The following FAM124A variants were observed in gnomAD, a reference collection of about 807,000 sequenced individuals.
The protein encoded by FAM124A is protein FAM124A.
FAM124A carries 23 observed loss-of-function variants against 24.5 expected under a neutral mutation model. That is an observed-to-expected ratio of 0.94 (90% CI 0.68 to 1.33). The LOEUF is 1.33. FAM124A is among the 40% of genes most tolerant of loss of function. FAM124A has a pLI of 0.00. For missense variants in FAM124A, 623 were observed against 722.8 expected (o/e 0.86, Z 1.58); for synonymous variants, 287 against 314.7 (o/e 0.91, Z 0.93).
Position 51,222,487 on chromosome 13 carries a change from GCCGGGACGTGCA to G in FAM124A, c.-12_-1del, listed in dbSNP as rs1178601865. 8.2e-7 allele frequency: 1 copy of G among 1,218,492 alleles called. No individual in the cohort carries two copies. Among genetic ancestry groups the G allele is most frequent in the Non-Finnish European group, 1.0e-6 (1 of 980,710 alleles). The allele number at this position is 1,218,492 out of a possible 1,614,324, so 75.5% of individuals were successfully genotyped here. A position where few individuals can be genotyped will look rare whatever the true frequency, so the allele number is the denominator to read the frequency against. ...CGACGGCGCCCGCAAGCCGAGCGCGGCCGGGACGTGCACCATGGACCCAAAGGCGGGCGGCGG... is the reference window on the plus strand; with the variant it reads ...CGACGGCGCCCGCAAGCCGAGCGCGGCCATGGACCCAAAGGCGGGCGGCGG... On this transcript the variant is annotated 5_prime_UTR_variant, in exon 1 of 4. Coordinates refer to ENST00000322475, the MANE Select transcript of FAM124A (RefSeq NM_001242312.2).
intron 2 of FAM124A, among the ~76,000 whole-genome samples, chr13:51,242,032 T>C (rs1214875611): frequency 1.3e-5 from 2 of 152,254 alleles, no homozygotes; most frequent in Non-Finnish European, 1.5e-5. Flanking sequence ...TGGAGTTTCC[T>C]GATGAACAAA....
At chr13:51,236,635 TC>T (rs1406846955) in intron 2 of FAM124A, among the ~76,000 whole-genome samples, 1 of 152,348 alleles carries the variant, frequency 6.6e-6, no homozygotes, top group East Asian at 1.9e-4. Context: ...ATACATATGA[TC>T]TGTGTTTCCA....
At chr13:51,243,378 A>G (rs1482285645) in intron 2 of FAM124A, among the ~76,000 whole-genome samples, 1 of 152,220 alleles carries the variant, frequency 6.6e-6, no homozygotes, top group Non-Finnish European at 1.5e-5. Context: ...AGCGTCTCCC[A>G]GGAAGGAATT....
rs1429099053 is a variant in FAM124A at position 51,281,194 on chromosome 13, A to C, written c.1579A>C (p.Met527Leu). ...CAAAGTCAAGCAGACTGATGGAGAC[A>C]TGCCACCACCCCCAGGGTCGGCTGG... ...TPKVKQTDGDMPPPPGSAGPG... is the reference protein window; with the variant it reads ...TPKVKQTDGDLPPPPGSAGPG... Residue 527 changes from methionine (M) to leucine (L), a missense_variant, in exon 4 of 4, where the codon ATG becomes CTG. Physicochemically the swap from Met to Leu is conservative, Grantham distance 15 (BLOSUM62 2). Coordinates refer to ENST00000322475, the MANE Select transcript of FAM124A (RefSeq NM_001242312.2). 1 of 1,610,982 alleles carries C rather than the reference A, an allele frequency of 6.2e-7. No homozygotes were observed. The highest frequency in any genetic ancestry group is 1.3e-5 in the African/African-American group (1 of 74,994).
At chr13:51,264,630 ATC>A in intron 3 of FAM124A, among the ~76,000 whole-genome samples, 1 of 151,710 alleles carries the variant, frequency 6.6e-6, no homozygotes, top group Non-Finnish European at 1.5e-5. Flanking sequence ...GCAAGACCAT[ATC>A]TCTTTAAAAA....
chr13:51,280,961 G>C lies in FAM124A; in HGVS notation c.1346G>C (p.Arg449Thr), dbSNP rs767542969. ...STVETPLPSE[R>T]CSSHWAAHKD... ...GTGGAGACACCCCTCCCCTCCGAAAGATGCAGCAGCCACTGGGCAGCTCAC... is the reference window on the plus strand; with the variant it reads ...GTGGAGACACCCCTCCCCTCCGAAACATGCAGCAGCCACTGGGCAGCTCAC... Residue 449 changes from arginine to threonine, a missense_variant, in exon 4 of 4, where the codon AGA (arginine) becomes ACA (threonine). Coordinates refer to ENST00000322475, the MANE Select transcript of FAM124A (RefSeq NM_001242312.2). The C allele has an allele frequency of 6.2e-7, 1 of 1,613,938 alleles. No individual in the cohort carries two copies. The highest frequency in any genetic ancestry group is 1.3e-5 in the African/African-American group (1 of 74,890).
intron 2 of FAM124A, among the ~76,000 whole-genome samples, chr13:51,250,899 G>A (rs1049908922): frequency 6.6e-6 from 1 of 152,238 alleles, no homozygotes; most frequent in African/African-American, 2.4e-5. Flanking sequence ...GCAAGCACAG[G>A]TCTCTCTTGT....
intron 3 of FAM124A, among the ~76,000 whole-genome samples, chr13:51,263,082 A>T (rs1436339959): frequency 6.6e-6 from 1 of 151,946 alleles, no homozygotes; most frequent in Non-Finnish European, 1.5e-5. Flanking sequence ...GGGGCCTCTC[A>T]CTCTGACATC....
At position 51,281,376 on chromosome 13, in the gene FAM124A, C is replaced by A; in HGVS notation, c.*120C>A. On this transcript the variant is annotated 3_prime_UTR_variant, in exon 4 of 4. Coordinates refer to ENST00000322475, the MANE Select transcript of FAM124A (RefSeq NM_001242312.2). ...TGATCCATTTCCCAGGAGCCCGTAG[C>A]ACATTTGCCTACCACCCACTCTTAG... 1 of 1,021,256 alleles carries A rather than the reference C, an allele frequency of 9.8e-7. No individual in the cohort carries two copies. The highest frequency in any genetic ancestry group is 1.4e-6 in the Non-Finnish European group (1 of 731,502). The allele number at this position is 1,021,256 out of a possible 1,614,324, so 63.3% of individuals were successfully genotyped here. A position where few individuals can be genotyped will look rare whatever the true frequency, so the allele number is the denominator to read the frequency against.
chr13:51,262,918 C>T (rs1954751012), intron 3 of FAM124A, among the ~76,000 whole-genome samples: 1 of 152,274 alleles, frequency 6.6e-6, no homozygotes, highest in African/African-American at 2.4e-5. Flanking sequence ...GTTAGTGCCA[C>T]ATGACCAGCA....
At chr13:51,248,911 GTCT>G (rs764615520) in intron 2 of FAM124A, among the ~76,000 whole-genome samples, 111 of 152,140 alleles carry the variant, frequency 7.3e-4, no homozygotes, top group Non-Finnish European at 1.3e-3. Flanking sequence ...CTCTTCACTA[GTCT>G]TCTAACTCCT....
At chr13:51,275,133 G>C (rs974232176) in intron 3 of FAM124A, among the ~76,000 whole-genome samples, 2 of 151,698 alleles carry the variant, frequency 1.3e-5, no homozygotes, top group African/African-American at 4.8e-5. Flanking sequence ...AGTGCTTTGG[G>C]AGGCCAAGGC....
chr13:51,224,364 G>C (rs1223683399), intron 1 of FAM124A, among the ~76,000 whole-genome samples: 1 of 152,108 alleles, frequency 6.6e-6, no homozygotes, highest in Admixed American at 6.5e-5. Context: ...CCAGCTACTC[G>C]GGAGGCTGAG....
chr13:51,231,432 CAGTA>C, intron 2 of FAM124A, 53 bp downstream of exon 2: 2 of 1,593,164 alleles, frequency 1.3e-6, no homozygotes, highest in Non-Finnish European at 1.7e-6. Context: ...CCGGAGAGGT[CAGTA>C]CCCTAGAGGC....
At chr13:51,225,976 CTTTTTT>C (rs780570797) in intron 1 of FAM124A, among the ~76,000 whole-genome samples, 1,341 of 67,414 alleles carry the variant, frequency 0.02, 6 homozygotes, top group Non-Finnish European at 0.024. Flanking sequence ...TGCTTGCTTT[CTTTTTT>C]TTTTTTTTTT....
intron 3 of FAM124A, 133 bp downstream of exon 3, chr13:51,252,334 G>A: frequency 7.7e-7 from 1 of 1,301,936 alleles, no homozygotes. Context: ...CCAGCTCCTA[G>A]TCGAAGTCAA....
chr13:51,270,766 C>T (rs761897863), intron 3 of FAM124A, among the ~76,000 whole-genome samples: 15 of 152,174 alleles, frequency 9.9e-5, no homozygotes, highest in Non-Finnish European at 1.9e-4. Context: ...CTGGATGGAC[C>T]GTTTGTTCAG....
At position 51,258,656 on chromosome 13, in the gene FAM124A, G is replaced by A. The variant is rs1954699773; in HGVS notation, c.834+6455G>A. On this transcript the variant is annotated intron_variant, in intron 3 of 3. Transcript: ENST00000322475. This position sits in a 1 kb window ranked among gnomAD's most constrained non-coding sequence, Gnocchi z 4.2. Reference sequence around the variant, plus strand: ...CATGGGCTTCAGAGTCTCAACTCTTGTACTCACCTGTTGAGTGGCTAGGGG... The same window carrying A: ...CATGGGCTTCAGAGTCTCAACTCTTATACTCACCTGTTGAGTGGCTAGGGG... 6.6e-6 allele frequency among the ~76,000 whole-genome samples: 1 copy of A among 152,188 alleles called. No individual in the cohort carries two copies. The highest frequency in any genetic ancestry group is 6.5e-5 in the Admixed American group (1 of 15,290).
At chr13:51,261,440 A>G (rs1240965634) in intron 3 of FAM124A, among the ~76,000 whole-genome samples, 2 of 151,670 alleles carry the variant, frequency 1.3e-5, no homozygotes, top group African/African-American at 4.8e-5. Context: ...CCACCCCCAG[A>G]AAATAATTTC....
Sources: gnomAD v4.1 joint callset for allele counts (sites outside exome capture counted in the v4.1 genomes callset) on GRCh38, gnomAD v4.1.1 for gene constraint, Gnocchi (gnomAD v3.1) non-coding constraint, MANE v1.5 for transcripts, NCBI Gene and HGNC (gene_info 2026-07-23, HGNC 2026-07-21) for gene names.